GPATCH2: variants seen among roughly 807,000 people sequenced by gnomAD.
GPATCH2 encodes the protein G patch domain-containing protein 2.
GPATCH2 carries 51 observed loss-of-function variants against 58.0 expected under a neutral mutation model. The ratio of observed to expected loss-of-function variants is 0.88; its 90% CI spans 0.70 to 1.11. The LOEUF (loss-of-function observed/expected upper bound fraction) is 1.11, where lower values mean the gene tolerates loss of function less well. GPATCH2 is among the 50% of genes most tolerant of loss of function. The pLI is 0.00. For missense variants in GPATCH2, 625 were observed against 652.2 expected (o/e 0.96, Z 0.45); for synonymous variants, 222 against 218.5 (o/e 1.02, Z -0.14).
chr1:217,628,515 C>A (rs928844174), intron 1 of GPATCH2, among the ~76,000 whole-genome samples: 1 of 151,892 alleles, frequency 6.6e-6, no homozygotes, highest in African/African-American at 2.4e-5. Flanking sequence ...GACTAACAAA[C>A]TCCAAAAAAC....
intron 5 of GPATCH2, among the ~76,000 whole-genome samples, chr1:217,563,874 G>A (rs571021109): frequency 5.5e-4 from 83 of 151,804 alleles, no homozygotes; most frequent in African/African-American, 1.3e-3. Flanking sequence ...GAGGAACCCC[G>A]TCTCTACTCA....
In GPATCH2 at chr1:217,614,181, G is replaced by T; in HGVS notation, c.795C>A (p.Ser265Arg). 1 of 1,575,854 alleles carries T rather than the reference G, an allele frequency of 6.3e-7. No individual in the cohort carries two copies. Among genetic ancestry groups the T allele is most frequent in the Non-Finnish European group, 8.7e-7 (1 of 1,145,814 alleles). The part of the protein sequence containing the change: ...MSESDSSSLS[S>R]TDAGLFTNDE... ...CATTGGTAAACAATCCAGCATCAGT[G>T]CTGCTGAGACTGCTGGAATCACTGT... Residue 265 changes from serine (S) to arginine (R), a missense_variant, in exon 3 of 10, where the codon AGC becomes AGA. By Grantham distance (110) the Ser-to-Arg change is moderately radical. Coordinates refer to ENST00000366935, the MANE Select transcript of GPATCH2 (RefSeq NM_018040.5).
At chr1:217,605,236 T>C (rs1483682453) in intron 5 of GPATCH2, among the ~76,000 whole-genome samples, 1 of 152,190 alleles carries the variant, frequency 6.6e-6, no homozygotes, top group East Asian at 1.9e-4. Context: ...TTTTCTCCTA[T>C]AGAATGAATT....
In GPATCH2 at chr1:217,610,359, T is replaced by C. The variant is rs192043129; in HGVS notation, c.1060A>G (p.Lys354Glu). 70 of 1,606,414 alleles carry C rather than the reference T, an allele frequency of 4.4e-5. No individual in the cohort carries two copies. The East Asian group carries it at 1.3e-3, about 31-fold the overall frequency. The change falls in exon 5 of 10, where the codon AAG becomes GAG. Residue 354 changes from lysine (K) to glutamate (E), a missense_variant. Coordinates refer to ENST00000366935, the MANE Select transcript of GPATCH2 (RefSeq NM_018040.5). Reference protein sequence around the residue: ...RLSRLHGMSSKNIKKSGGTPT... With the variant: ...RLSRLHGMSSENIKKSGGTPT... Reference sequence around the variant, plus strand: ...GTCCCTCCAGATTTTTTAATATTCTTTGAAGACATTCCATGAAGGCGACTG... The same window carrying C: ...GTCCCTCCAGATTTTTTAATATTCTCTGAAGACATTCCATGAAGGCGACTG...
At chr1:217,538,251 G>A (rs543572920) in intron 5 of GPATCH2, among the ~76,000 whole-genome samples, 2 of 152,198 alleles carry the variant, frequency 1.3e-5, no homozygotes, top group Non-Finnish European at 2.9e-5. Context: ...TTCATGACAA[G>A]TTAGCTGAGC....
chr1:217,550,667 T>C (rs951640946), intron 5 of GPATCH2, among the ~76,000 whole-genome samples: 2 of 151,902 alleles, frequency 1.3e-5, no homozygotes, highest in African/African-American at 2.4e-5. Context: ...CAGAAACCCA[T>C]AAAGTAAAAT....
chr1:217,604,628 C>T (rs941544019), intron 5 of GPATCH2, among the ~76,000 whole-genome samples: 1 of 152,126 alleles, frequency 6.6e-6, no homozygotes, highest in Admixed American at 6.6e-5. Context: ...CAGTTGAGGA[C>T]ATAGGCTGTA....
intron 6 of GPATCH2, among the ~76,000 whole-genome samples, chr1:217,506,835 G>A (rs1223654850): frequency 6.6e-6 from 1 of 152,064 alleles, no homozygotes; most frequent in African/African-American, 2.4e-5. Context: ...TACTTTCTCT[G>A]CCTGAAAAGC....
intron 6 of GPATCH2, among the ~76,000 whole-genome samples, chr1:217,512,097 G>C (rs905672667): frequency 6.6e-6 from 1 of 152,088 alleles, no homozygotes; most frequent in Non-Finnish European, 1.5e-5. Context: ...GGAGGTGGCA[G>C]GATTGCTTGA....
At chr1:217,562,196 C>T (rs1435117007) in intron 5 of GPATCH2, among the ~76,000 whole-genome samples, 3 of 152,160 alleles carry the variant, frequency 2.0e-5, no homozygotes, top group African/African-American at 4.8e-5. Context: ...GAATGCCCCC[C>T]TCCCTTTTTT....
chr1:217,456,426 C>G (rs1371507768), intron 8 of GPATCH2, among the ~76,000 whole-genome samples: 1 of 152,136 alleles, frequency 6.6e-6, no homozygotes, highest in African/African-American at 2.4e-5. Context: ...GGGAACACTC[C>G]CGTTTTAGCA....
chr1:217,593,336 C>T (rs774754334), intron 5 of GPATCH2, among the ~76,000 whole-genome samples: 7 of 151,874 alleles, frequency 4.6e-5, no homozygotes, highest in Non-Finnish European at 1.0e-4. Flanking sequence ...AAAGGTATAA[C>T]TGACAATTTA....
chr1:217,601,281 AG>A (rs1668095344), intron 5 of GPATCH2, among the ~76,000 whole-genome samples: 1 of 152,178 alleles, frequency 6.6e-6, no homozygotes, highest in South Asian at 2.1e-4. Context: ...ATCATTCAAA[AG>A]TTACAAAGAA....
At chr1:217,484,433 G>C (rs982433000) in intron 8 of GPATCH2, among the ~76,000 whole-genome samples, 1 of 109,888 alleles carries the variant, frequency 9.1e-6, no homozygotes, top group Non-Finnish European at 2.0e-5. Flanking sequence ...CTCAGACTCA[G>C]ACTAGATCTA....
intron 2 of GPATCH2, among the ~76,000 whole-genome samples, chr1:217,615,324 G>T (rs993828590): frequency 6.6e-6 from 1 of 152,168 alleles, no homozygotes; most frequent in South Asian, 2.1e-4. Context: ...CTTCCAAGGA[G>T]TTCTGAATTT....
At position 217,431,327 on chromosome 1, in the gene GPATCH2, T is replaced by C; in HGVS notation, c.1405A>G (p.Asn469Asp). The C allele has an allele frequency of 6.2e-7, 1 of 1,609,024 alleles. No homozygotes were observed. The highest frequency in any genetic ancestry group is 8.5e-7 in the Non-Finnish European group (1 of 1,175,288). The stretch of plus-strand genomic sequence containing the variant: ...TTCTGAAGCATTCGGTTTCCAATAT[T>C]ATTTTCTAGGATTGGCTGGGCATTT... ...GENAQPILEN[N>D]IGNRMLQNMG... The change falls in exon 10 of 10, where the codon AAT becomes GAT. Residue 469 changes from asparagine (N) to aspartate (D), a missense_variant. Transcript: ENST00000366935.
chr1:217,568,048 C>G (rs563904272), intron 5 of GPATCH2, among the ~76,000 whole-genome samples: 1 of 152,076 alleles, frequency 6.6e-6, no homozygotes, highest in Non-Finnish European at 1.5e-5. Flanking sequence ...ACCCAGGAGG[C>G]GGAGCTTGCA....
intron 8 of GPATCH2, among the ~76,000 whole-genome samples, chr1:217,454,354 C>T (rs767403638): frequency 1.1e-4 from 17 of 152,034 alleles, no homozygotes; most frequent in Non-Finnish European, 2.1e-4. Flanking sequence ...CCTTGGGAGG[C>T]TGAGGTGGGC....
intron 5 of GPATCH2, among the ~76,000 whole-genome samples, chr1:217,588,979 G>A (rs1029241943): frequency 6.6e-6 from 1 of 152,130 alleles, no homozygotes; most frequent in African/African-American, 2.4e-5. Flanking sequence ...ACTTTAAAAG[G>A]ACATTTTTTA....
Sources: allele counts gnomAD v4.1 joint callset (sites outside exome capture counted in the v4.1 genomes callset), GRCh38; gene constraint gnomAD v4.1.1; transcripts MANE v1.5; gene names NCBI Gene and HGNC (gene_info 2026-07-23, HGNC 2026-07-21).